The following KSR1 variants were observed in gnomAD, a reference collection of about 807,000 sequenced individuals.
KSR1 encodes kinase suppressor of ras.
In KSR1, 35 loss-of-function variants were observed where a neutral mutation model predicts 92.9. The observed-to-expected ratio is 0.38, with a 90% CI of 0.29 to 0.50. The LOEUF (loss-of-function observed/expected upper bound fraction) is 0.50, where lower values mean the gene tolerates loss of function less well. KSR1 is among the 20% of genes least tolerant of loss of function. The pLI, the probability that KSR1 is intolerant of heterozygous loss-of-function variation, is 0.94. For missense variants in KSR1, 972 were observed against 1,158.5 expected, an observed-to-expected ratio of 0.84 and a Z score of 2.34; for synonymous variants, 467 against 472.6, an observed-to-expected ratio of 0.99 and a Z score of 0.15.
intron 19 of KSR1, 67 bp downstream of exon 19, chr17:27,617,495 G>A: frequency 3.9e-6 from 6 of 1,541,154 alleles, no homozygotes; most frequent in Non-Finnish European, 5.3e-6. Context: ...GGTCTTAGAG[G>A]GCACCTTCTG....
Position 27,577,711 on chromosome 17 carries a change from G to C in KSR1, c.520+72G>C. 2 of 1,295,054 alleles carry C rather than the reference G, an allele frequency of 1.5e-6. No individual in the cohort carries two copies. Among genetic ancestry groups the C allele is most frequent in the Non-Finnish European group, 2.2e-6 (2 of 926,344 alleles). The allele number at this position is 1,295,054 out of a possible 1,614,324, so 80.2% of individuals were successfully genotyped here. A position where few individuals can be genotyped will look rare whatever the true frequency, so the allele number is the denominator to read the frequency against. On this transcript the variant is annotated intron_variant, in intron 3 of 20. Transcript: ENST00000644974. The surrounding 1 kb of genome is among the most constrained non-coding windows in gnomAD (Gnocchi z 4.5). ...GGGGCTGTGGCCTTCACTATGGTGG[G>C]TGATGGAGCGGGGCAAGCGTGGCCC...
At chr17:27,552,842 T>C (rs918981143) in intron 2 of KSR1, among the ~76,000 whole-genome samples, 2 of 152,194 alleles carry the variant, frequency 1.3e-5, no homozygotes, top group African/African-American at 2.4e-5. Context: ...TGGGTTCTTT[T>C]GCCTCAAAGT....
chr17:27,495,636 C>T (rs565780362), intron 1 of KSR1, among the ~76,000 whole-genome samples: 1 of 152,146 alleles, frequency 6.6e-6, no homozygotes, highest in African/African-American at 2.4e-5. Context: ...CTGTCTCTAC[C>T]AGGTAACACA....
chr17:27,520,557 A>G, intron 1 of KSR1, among the ~76,000 whole-genome samples: 1 of 152,282 alleles, frequency 6.6e-6, no homozygotes, highest in East Asian at 1.9e-4. Context: ...ATAAATAAAT[A>G]AAATGCTAAT....
chr17:27,614,382 A>T (rs1003282358), intron 18 of KSR1, among the ~76,000 whole-genome samples: 5 of 152,264 alleles, frequency 3.3e-5, no homozygotes, highest in Admixed American at 2.0e-4. Context: ...GTTGCATCTG[A>T]GAGAAAAGAT....
rs189547672 is a variant in KSR1, at chr17:27,594,823, C to T, written c.1299+2197C>T. ...TGATGCTGTCTTGCTCTCGTTGGCA[C>T]CAAGCACAAAATAGGCAGTCAGGAA... On this transcript the variant is annotated intron_variant, in intron 9 of 20. Transcript: ENST00000644974. Among the ~76,000 whole-genome samples, 4 of 152,136 alleles carry T rather than the reference C, an allele frequency of 2.6e-5. No individual in the cohort carries two copies. The East Asian group carries it at 7.7e-4, about 29-fold the overall frequency.
rs868445024 is a variant in KSR1, at chr17:27,456,474, G to C, written c.-170G>C. ...TCGCCGCGGCTTTCGCTTTGCTGCCGCGGCTGGGAGGGTGGAAGCGGCAGA... is the reference window on the plus strand; with the variant it reads ...TCGCCGCGGCTTTCGCTTTGCTGCCCCGGCTGGGAGGGTGGAAGCGGCAGA... On this transcript the variant is annotated 5_prime_UTR_variant, in exon 1 of 21. Coordinates refer to ENST00000644974, the MANE Select transcript of KSR1 (RefSeq NM_001394583.1). 2.5e-3 allele frequency: 934 copies of C among 381,084 alleles called. 5 individuals are homozygous for C. The highest frequency in any genetic ancestry group is 0.022 in the Middle Eastern group (32 of 1,452). The allele number at this position is 381,084 out of a possible 1,614,324, so 23.6% of individuals were successfully genotyped here. A position where few individuals can be genotyped will look rare whatever the true frequency, so the allele number is the denominator to read the frequency against.
At chr17:27,519,907 A>G (rs1245028209) in intron 1 of KSR1, among the ~76,000 whole-genome samples, 1 of 152,092 alleles carries the variant, frequency 6.6e-6, no homozygotes, top group Admixed American at 6.5e-5. Context: ...GGGGATAGTA[A>G]AACTGTTTCC....
At chr17:27,596,917 A>C (rs2073361516) in intron 9 of KSR1, among the ~76,000 whole-genome samples, 1 of 152,236 alleles carries the variant, frequency 6.6e-6, no homozygotes, top group African/African-American at 2.4e-5. Context: ...TCATCAGGAA[A>C]GTGCCCGTGG....
At chr17:27,526,531 G>A (rs1256179627) in intron 1 of KSR1, 26 of 1,602,720 alleles carry the variant, frequency 1.6e-5, no homozygotes, top group East Asian at 2.2e-5. Flanking sequence ...TCACACTCTC[G>A]CTCTGTCTGC....
chr17:27,508,782 T>G (rs1034625920), intron 1 of KSR1, among the ~76,000 whole-genome samples: 23 of 151,680 alleles, frequency 1.5e-4, no homozygotes, highest in African/African-American at 4.9e-4. Flanking sequence ...CAGGCTGGAG[T>G]GCAATGGCGT....
intron 6 of KSR1, among the ~76,000 whole-genome samples, chr17:27,590,111 T>TG (rs1400860649): frequency 1.3e-5 from 2 of 152,242 alleles, no homozygotes; most frequent in African/African-American, 4.8e-5. Flanking sequence ...CAGATGAAGA[T>TG]GAAGAACATT....
At chr17:27,557,124 G>T (rs1054107497) in intron 2 of KSR1, among the ~76,000 whole-genome samples, 6 of 152,182 alleles carry the variant, frequency 3.9e-5, no homozygotes, top group African/African-American at 1.4e-4. Context: ...CCTGGCCCAG[G>T]GGGTGGGGAT....
intron 1 of KSR1, among the ~76,000 whole-genome samples, chr17:27,457,357 C>T (rs1567731384): frequency 6.6e-6 from 1 of 152,228 alleles, no homozygotes; most frequent in Non-Finnish European, 1.5e-5. Flanking sequence ...TTCCTCTCCT[C>T]TCAGGTCTTG....
chr17:27,477,681 C>T (rs1041724210), intron 1 of KSR1, among the ~76,000 whole-genome samples: 15 of 151,940 alleles, frequency 9.9e-5, no homozygotes, highest in Non-Finnish European at 1.6e-4. Context: ...TCCACTTCTA[C>T]GCCAGATGCT....
In KSR1 at chr17:27,611,626, C is replaced by G; in HGVS notation, c.2490C>G (p.Val830=). ...VLTSVSLGKE[V]SEILSACWAF... ...CTTCTGTCAGCTTGGGGAAGGAAGT[C>G]AGTGTAAGTAGTACCTGCCCTGGGT... The change falls in exon 18 of 21, where the codon GTC becomes GTG. Residue 830 remains valine, a synonymous_variant. Coordinates refer to ENST00000644974, the MANE Select transcript of KSR1 (RefSeq NM_001394583.1). 4 of 1,613,768 alleles carry G rather than the reference C, an allele frequency of 2.5e-6. No homozygotes were observed. The highest frequency in any genetic ancestry group is 3.4e-6 in the Non-Finnish European group (4 of 1,179,770).
chr17:27,592,314 G>GCC, intron 7 of KSR1, 47 bp from the exon 8 acceptor site: 1 of 1,515,250 alleles, frequency 6.6e-7, no homozygotes, highest in Non-Finnish European at 9.2e-7. Context: ...GTGTGCCTGA[G>GCC]CCCCCCCATG....
chr17:27,608,956 T>C (rs1436372315), intron 15 of KSR1, among the ~76,000 whole-genome samples: 1 of 152,222 alleles, frequency 6.6e-6, no homozygotes, highest in Admixed American at 6.5e-5. Flanking sequence ...AGAAGCATGG[T>C]AACATTAAAA....
chr17:27,570,764 G>T (rs909564445), intron 2 of KSR1, among the ~76,000 whole-genome samples: 4 of 152,176 alleles, frequency 2.6e-5, no homozygotes, highest in Non-Finnish European at 5.9e-5. Flanking sequence ...CTGCCTTCTG[G>T]TCTGGACATC....
Sources: allele counts gnomAD v4.1 joint callset (sites outside exome capture counted in the v4.1 genomes callset), GRCh38; gene constraint gnomAD v4.1.1; non-coding constraint Gnocchi (gnomAD v3.1); transcripts MANE v1.5; gene names NCBI Gene and HGNC (gene_info 2026-07-23, HGNC 2026-07-21).